Variants in PPP2R2B observed in about 807,000 individuals in gnomAD.
PPP2R2B encodes protein phosphatase 2 regulatory subunit Bbeta.
In PPP2R2B, 5 loss-of-function variants were observed where a neutral mutation model predicts 46.0. That is an observed-to-expected ratio of 0.11 (90% confidence interval 0.06 to 0.23). The LOEUF (loss-of-function observed/expected upper bound fraction) is 0.23. Ranked by LOEUF, PPP2R2B falls within the 10% of genes least tolerant of loss-of-function variation. The probability of loss-of-function intolerance (pLI) is 1.00; values close to 1 mark genes in which losing one functional copy is unlikely to be tolerated. For synonymous variants in PPP2R2B, 215 were observed against 206.7 expected (o/e 1.04, Z -0.34); for missense variants, 367 against 575.0 (o/e 0.64, Z 3.70).
chr5:146,664,073 C>T lies in PPP2R2B; in HGVS notation c.448-13349G>A, dbSNP rs1451269573. On this transcript the variant is annotated intron_variant, in intron 5 of 9. Transcript: ENST00000394411. ...GCCAGGCTGGTCTTGAACTCCTGAA[C>T]TTGTGATCCACCCACCTTGGACTCC... Among the ~76,000 whole-genome samples the T allele has an allele frequency of 3.3e-5, 5 of 152,052 alleles. No individual in the cohort carries two copies. The South Asian group carries it at 8.3e-4, about 25-fold the overall frequency.
rs113628038 is a variant in PPP2R2B, at chr5:146,779,416, T to C, written c.71-78274A>G. On this transcript the variant is annotated intron_variant, in intron 2 of 9. Transcript: ENST00000394411. Reference sequence around the variant, plus strand: ...GTACAGTGAGGCGTGCGATTGGCATTTGCAGAAGCCTTGACATCCCACACT... The same window carrying C: ...GTACAGTGAGGCGTGCGATTGGCATCTGCAGAAGCCTTGACATCCCACACT... 2.3e-3 allele frequency among the ~76,000 whole-genome samples: 345 copies of C among 152,236 alleles called. 1 individual carries two copies. The highest frequency in any genetic ancestry group is 7.8e-3 in the African/African-American group (325 of 41,532).
chr5:147,012,983 C>G (rs1013964825), intron 1 of PPP2R2B, among the ~76,000 whole-genome samples: 23 of 151,896 alleles, frequency 1.5e-4, no homozygotes, highest in Middle Eastern at 6.8e-3. Context: ...ATCTAGAAAA[C>G]CCCATTGTCT....
intron 7 of PPP2R2B, among the ~76,000 whole-genome samples, chr5:146,601,981 CT>C (rs1771832666): frequency 6.6e-6 from 1 of 152,180 alleles, no homozygotes; most frequent in East Asian, 1.9e-4. Context: ...TTCTTTCTAC[CT>C]TGATTTTAAG....
intron 1 of PPP2R2B, among the ~76,000 whole-genome samples, chr5:146,972,355 T>A (rs903636338): frequency 1.4e-4 from 22 of 152,300 alleles, no homozygotes; most frequent in African/African-American, 5.3e-4. Flanking sequence ...GTAAAGTTAC[T>A]CTTTTTCCCT....
rs149897754 is a variant in PPP2R2B at position 146,851,513 on chromosome 5, G to A, written c.70+26489C>T. On this transcript the variant is annotated intron_variant, in intron 2 of 9. Transcript: ENST00000394411. The stretch of plus-strand genomic sequence containing the variant: ...CATCATGATTGTAAGTGATCCAAAT[G>A]CCTCACTGGGATAACCTGCATCATT... 2.4e-3 allele frequency among the ~76,000 whole-genome samples: 369 copies of A among 152,228 alleles called. 2 individuals carry two copies. Among genetic ancestry groups the A allele is most frequent in the African/African-American group, 8.5e-3 (352 of 41,544 alleles).
intron 5 of PPP2R2B, among the ~76,000 whole-genome samples, chr5:146,689,738 C>A (rs139989522): frequency 6.6e-6 from 1 of 152,212 alleles, no homozygotes; most frequent in African/African-American, 2.4e-5. Context: ...GCCTCCAAAA[C>A]CCCTGCACAT....
intron 1 of PPP2R2B, among the ~76,000 whole-genome samples, chr5:146,931,834 A>G (rs1229242762): frequency 6.6e-6 from 1 of 152,192 alleles, no homozygotes. Flanking sequence ...TAATTCTCTT[A>G]ACAATTAATA....
At chr5:146,682,105 A>G (rs1338517548) in intron 5 of PPP2R2B, among the ~76,000 whole-genome samples, 2 of 152,190 alleles carry the variant, frequency 1.3e-5, no homozygotes, top group Non-Finnish European at 2.9e-5. Context: ...TTCTGCTTAT[A>G]TTTACGTCTA....
rs189837641 is a variant in PPP2R2B, at chr5:147,036,774, T to G, written c.79+18891A>C. 3.6e-3 allele frequency among the ~76,000 whole-genome samples: 554 copies of G among 152,322 alleles called. 3 individuals are homozygous for G. Among genetic ancestry groups the G allele is most frequent in the African/African-American group, 0.01 (436 of 41,586 alleles). On this transcript the variant is annotated intron_variant, in intron 1 of 8. Coordinates refer to the PPP2R2B transcript ENST00000336640. ...GCAATTATTTTACGCATTTGGAGGATTAACCCTGCCCTTAAAATCCATTGA... is the reference window on the plus strand; with the variant it reads ...GCAATTATTTTACGCATTTGGAGGAGTAACCCTGCCCTTAAAATCCATTGA...
In PPP2R2B at chr5:146,727,443, T is replaced by A. The variant is rs1330119021; in HGVS notation, c.71-26301A>T. On this transcript the variant is annotated intron_variant, in intron 2 of 9. Coordinates refer to ENST00000394411, the MANE Select transcript of PPP2R2B (RefSeq NM_181675.4). ...GCTAATTAACATAACTATCACCTCATATTTATCACTTTTTGTGGTGAGAAT... is the reference window on the plus strand; with the variant it reads ...GCTAATTAACATAACTATCACCTCAAATTTATCACTTTTTGTGGTGAGAAT... Among the ~76,000 whole-genome samples the A allele has an allele frequency of 3.3e-5, 5 of 152,170 alleles. No individual in the cohort carries two copies. In the East Asian group the frequency reaches 9.6e-4, roughly 29 times the overall value.
upstream of PPP2R2B, among the ~76,000 whole-genome samples, chr5:146,880,515 A>G (rs1293965728): frequency 6.6e-6 from 1 of 152,172 alleles, no homozygotes; most frequent in Non-Finnish European, 1.5e-5. Context: ...GGAAAAGCTA[A>G]GTTCATCTCT....
At chr5:146,731,300 C>T (rs1273203359) in intron 2 of PPP2R2B, among the ~76,000 whole-genome samples, 1 of 152,176 alleles carries the variant, frequency 6.6e-6, no homozygotes, top group Non-Finnish European at 1.5e-5. Flanking sequence ...ATCTGTGGTA[C>T]TGCTGGGTAC....
chr5:147,021,122 CTGT>C (rs1755242657), intron 1 of PPP2R2B, among the ~76,000 whole-genome samples: 1 of 152,306 alleles, frequency 6.6e-6, no homozygotes, highest in Admixed American at 6.5e-5. Flanking sequence ...AACTAGAAAA[CTGT>C]TGTTGTACAA....
At chr5:146,867,836 A>G (rs951247695) in intron 2 of PPP2R2B, among the ~76,000 whole-genome samples, 1 of 152,226 alleles carries the variant, frequency 6.6e-6, no homozygotes, top group Admixed American at 6.5e-5. Context: ...AACTTCCTAC[A>G]TAGCACTTGG....
intron 1 of PPP2R2B, among the ~76,000 whole-genome samples, chr5:146,951,974 CTTTTT>C (rs34746460): frequency 7.8e-6 from 1 of 127,538 alleles, no homozygotes; most frequent in African/African-American, 2.8e-5. Flanking sequence ...TACATAGAAT[CTTTTT>C]TTTTTTTTTT....
intron 5 of PPP2R2B, among the ~76,000 whole-genome samples, chr5:146,677,632 G>A (rs867067095): frequency 1.4e-5 from 2 of 144,242 alleles, no homozygotes; most frequent in South Asian, 4.6e-4. Context: ...GGCTCAAGTA[G>A]TTCTCCCACT....
upstream of PPP2R2B, among the ~76,000 whole-genome samples, chr5:146,881,262 C>T (rs1421822722): frequency 1.3e-5 from 2 of 152,138 alleles, no homozygotes; most frequent in Non-Finnish European, 2.9e-5. Flanking sequence ...TGAGGCATTC[C>T]CTGACCACAC....
At chr5:147,051,311 G>A (rs150289334) in intron 1 of PPP2R2B, among the ~76,000 whole-genome samples, 320 of 152,246 alleles carry the variant, frequency 2.1e-3, no homozygotes, top group African/African-American at 7.2e-3. Context: ...AGACAATGGC[G>A]TTTAATAAGA....
intron 2 of PPP2R2B, among the ~76,000 whole-genome samples, chr5:146,763,650 T>C (rs1270996249): frequency 6.6e-6 from 1 of 152,184 alleles, no homozygotes; most frequent in Admixed American, 6.5e-5. Flanking sequence ...CCCACAGTTC[T>C]GTTAAAAGAA....
Sources: gnomAD v4.1 joint callset for allele counts (sites outside exome capture counted in the v4.1 genomes callset) on GRCh38, gnomAD v4.1.1 for gene constraint, MANE v1.5 for transcripts, NCBI Gene and HGNC (gene_info 2026-07-23, HGNC 2026-07-21) for gene names.